The following NPY variants were observed in gnomAD, a reference collection of about 807,000 sequenced individuals.
NPY encodes pro-neuropeptide Y.
In NPY, 11 loss-of-function variants were observed where a neutral mutation model predicts 13.2. The ratio of observed to expected loss-of-function variants is 0.83; its 90% confidence interval spans 0.52 to 1.38. NPY has a LOEUF of 1.38. NPY is among the 40% of genes most tolerant of loss of function. The probability of loss-of-function intolerance (pLI) is 0.00; values close to 1 mark genes in which losing one functional copy is unlikely to be tolerated. For synonymous variants in NPY, 51 were observed against 55.6 expected, an observed-to-expected ratio of 0.92 and a Z score of 0.37; for missense variants, 109 against 125.1, an observed-to-expected ratio of 0.87 and a Z score of 0.61.
chr7:24,288,196 A>G (rs6977705), intron 2 of NPY, among the ~76,000 whole-genome samples: 147,767 of 152,308 alleles, frequency 0.97, 71,704 homozygotes, highest in East Asian at 1. Context: ...AATGAGTTAC[A>G]GTTGCCCTAG....
At position 24,285,215 on chromosome 7, in the gene NPY, G is replaced by A. The variant is rs752498543; in HGVS notation, c.1-26G>A. On this transcript the variant is annotated intron_variant, in intron 1 of 3. Transcript: ENST00000242152. The surrounding 1 kb of genome is among the most constrained non-coding windows in gnomAD (Gnocchi z 4.9). ...GTGGGTGCTCTGAATCCCCAAGCCC[G>A]TCCGTTGAGCCTTCTGTGCCTGCAG... 2.5e-6 allele frequency: 4 copies of A among 1,613,434 alleles called. No homozygotes were observed.
chr7:24,285,010 G>GT lies in NPY; in HGVS notation c.1-229dup. On this transcript the variant is annotated intron_variant, in intron 1 of 3. Coordinates refer to ENST00000242152, the MANE Select transcript of NPY (RefSeq NM_000905.4). The surrounding 1 kb of genome is among the most constrained non-coding windows in gnomAD (Gnocchi z 4.9). ...CTTGGTCCCTGAGACTTCGAACGAA[G>GT]TTGCGCGAAGTTTTCAGGTGGAGCA... 1.7e-6 allele frequency: 1 copy of GT among 582,342 alleles called. No homozygotes were observed. Among genetic ancestry groups the GT allele is most frequent in the Non-Finnish European group, 3.1e-6 (1 of 326,420 alleles). The allele number at this position is 582,342 out of a possible 1,614,324, so 36.1% of individuals were successfully genotyped here.
At position 24,285,150 on chromosome 7, in the gene NPY, G is replaced by A. The variant is rs1787313178; in HGVS notation, c.1-91G>A. Reference sequence around the variant, plus strand: ...GGATTGGGGGTCGCGTGTGGTAGCAGGAGGAGGAGCGCGGGGGGCAGAGGA... The same window carrying A: ...GGATTGGGGGTCGCGTGTGGTAGCAAGAGGAGGAGCGCGGGGGGCAGAGGA... On this transcript the variant is annotated intron_variant, in intron 1 of 3. Coordinates refer to ENST00000242152, the MANE Select transcript of NPY (RefSeq NM_000905.4). This position sits in a 1 kb window ranked among gnomAD's most constrained non-coding sequence, Gnocchi z 4.9. 7.4e-7 allele frequency: 1 copy of A among 1,355,258 alleles called. No homozygotes were observed. Among genetic ancestry groups the A allele is most frequent in the Admixed American group, 1.7e-5 (1 of 58,520 alleles). 84.0% of individuals were successfully genotyped at this position (1,355,258 alleles called of 1,614,324 possible). A position where few individuals can be genotyped will look rare whatever the true frequency, so the allele number is the denominator to read the frequency against.
Position 24,291,814 on chromosome 7 carries a change from G to C in NPY, c.*127G>C, listed in dbSNP as rs1469686880. The stretch of plus-strand genomic sequence containing the variant: ...GCTGAATTCTGCAATGTTTTCCTTT[G>C]TCATCATTGTATATATGTGTGTTTA... On this transcript the variant is annotated 3_prime_UTR_variant, in exon 4 of 4. Transcript: ENST00000242152. 9.9e-7 allele frequency: 1 copy of C among 1,011,612 alleles called. No homozygotes were observed. The highest frequency in any genetic ancestry group is 1.5e-6 in the Non-Finnish European group (1 of 654,018). The allele number at this position is 1,011,612 out of a possible 1,614,324, so 62.7% of individuals were successfully genotyped here. A position where few individuals can be genotyped will look rare whatever the true frequency, so the allele number is the denominator to read the frequency against.
chr7:24,289,668 C>A, intron 3 of NPY, 89 bp downstream of exon 3: 2 of 923,472 alleles, frequency 2.2e-6, no homozygotes, highest in Non-Finnish European at 3.3e-6. Context: ...GTGGGAGGCA[C>A]CACCAGGCTT....
intron 1 of NPY, 95 bp downstream of exon 1, chr7:24,284,370 G>GT (rs1389801672): frequency 1.3e-5 from 2 of 152,288 alleles, no homozygotes; most frequent in Admixed American, 1.3e-4. Flanking sequence ...GAGCCCTGGG[G>GT]CCCTGGGATG....
intron 3 of NPY, among the ~76,000 whole-genome samples, chr7:24,290,217 A>G (rs558801927): frequency 1.2e-3 from 189 of 152,286 alleles, no homozygotes; most frequent in Non-Finnish European, 2.4e-3. Flanking sequence ...GTGCCCACCA[A>G]TGTCTAAGTG....
Position 24,289,630 on chromosome 7 carries a change from G to A in NPY, c.269+51G>A, listed in dbSNP as rs576844830. Reference sequence around the variant, plus strand: ...ATTGTTGCAGAGCTCAAGGTGCCCAGGGGAGGGAAGTCAGAGACAGGTGCC... The same window carrying A: ...ATTGTTGCAGAGCTCAAGGTGCCCAAGGGAGGGAAGTCAGAGACAGGTGCC... On this transcript the variant is annotated intron_variant, in intron 3 of 3. Coordinates refer to ENST00000242152, the MANE Select transcript of NPY (RefSeq NM_000905.4). The A allele has an allele frequency of 3.4e-6, 5 of 1,458,176 alleles. No homozygotes were observed. The African/African-American group carries it at 7.1e-5, about 21-fold the overall frequency. The allele number at this position is 1,458,176 out of a possible 1,614,324, so 90.3% of individuals were successfully genotyped here.
intron 1 of NPY, chr7:24,284,887 G>A (rs1787295196): frequency 5.5e-6 from 2 of 364,238 alleles, no homozygotes; most frequent in South Asian, 2.9e-5. Flanking sequence ...AAGAGTTTGG[G>A]CAAGAAGGGA....
chr7:24,289,593 T>G lies in NPY; in HGVS notation c.269+14T>G. 6.2e-7 allele frequency: 1 copy of G among 1,602,150 alleles called. No homozygotes were observed. Among genetic ancestry groups the G allele is most frequent in the Non-Finnish European group, 8.5e-7 (1 of 1,172,190 alleles). ...TCCCAGAACTCGGTATGACAAGGCTTGTGATGGGGACATTGTTGCAGAGCT... is the reference window on the plus strand; with the variant it reads ...TCCCAGAACTCGGTATGACAAGGCTGGTGATGGGGACATTGTTGCAGAGCT... On this transcript the variant is annotated intron_variant, in intron 3 of 3. Transcript: ENST00000242152.
rs576565558 is a variant in NPY at position 24,291,676 on chromosome 7, G to T, written c.283G>T (p.Ala95Ser). ...TATGTTTTACAGGCTTGAAGACCCTGCAATGTGGTGATGGGAAATGAGACT... is the reference window on the plus strand; with the variant it reads ...TATGTTTTACAGGCTTGAAGACCCTTCAATGTGGTGATGGGAAATGAGACT... ...NVPRTRLEDPAMW is the reference protein window; with the variant it reads ...NVPRTRLEDPSMW The change falls in exon 4 of 4, where the codon GCA becomes TCA. Residue 95 changes from alanine to serine, a missense_variant. Coordinates refer to ENST00000242152, the MANE Select transcript of NPY (RefSeq NM_000905.4). The T allele has an allele frequency of 1.2e-6, 2 of 1,614,060 alleles. No individual in the cohort carries two copies. Among genetic ancestry groups the T allele is most frequent in the Admixed American group, 1.7e-5 (1 of 60,020 alleles).
At chr7:24,289,809 G>A (rs1177313376) in intron 3 of NPY, among the ~76,000 whole-genome samples, 1 of 152,110 alleles carries the variant, frequency 6.6e-6, no homozygotes, top group African/African-American at 2.4e-5. Context: ...GTTATTTGGT[G>A]CTCCTTTGAC....
intron 2 of NPY, among the ~76,000 whole-genome samples, chr7:24,287,381 G>T (rs1319809169): frequency 6.6e-6 from 1 of 152,064 alleles, no homozygotes; most frequent in South Asian, 2.1e-4. Context: ...AAATTACAGG[G>T]TCATTTGTGG....
chr7:24,288,099 ATCC>A (rs918855617), intron 2 of NPY, among the ~76,000 whole-genome samples: 10 of 152,214 alleles, frequency 6.6e-5, no homozygotes, highest in African/African-American at 1.4e-4. Flanking sequence ...GACTGTGCAA[ATCC>A]TCCTATTTCA....
At chr7:24,287,001 C>T (rs1054302468) in intron 2 of NPY, among the ~76,000 whole-genome samples, 2 of 152,190 alleles carry the variant, frequency 1.3e-5, no homozygotes, top group Non-Finnish European at 1.5e-5. Flanking sequence ...CTCATTCAGT[C>T]GTTACCTCAA....
chr7:24,285,070 C>T lies in NPY; in HGVS notation c.1-171C>T. 2.9e-6 allele frequency: 2 copies of T among 681,806 alleles called. No homozygotes were observed. Among genetic ancestry groups the T allele is most frequent in the South Asian group, 3.7e-5 (2 of 54,384 alleles). 42.2% of individuals were successfully genotyped at this position (681,806 alleles called of 1,614,324 possible). A position where few individuals can be genotyped will look rare whatever the true frequency, so the allele number is the denominator to read the frequency against. ...GTCCCGACCGGACGGCGCCCGGAGC[C>T]CGCAAGGTGGTGCTAGCCACTCCTG... On this transcript the variant is annotated intron_variant, in intron 1 of 3. Coordinates refer to ENST00000242152, the MANE Select transcript of NPY (RefSeq NM_000905.4). This position sits in a 1 kb window ranked among gnomAD's most constrained non-coding sequence, Gnocchi z 4.9.
intron 3 of NPY, among the ~76,000 whole-genome samples, chr7:24,290,775 A>AATAATAATAATAATAATTATTATTATT (rs10701264): frequency 7.7e-6 from 1 of 129,638 alleles, no homozygotes; most frequent in Non-Finnish European, 1.6e-5. Context: ...TAATAATAAT[A>AATAATAATAATAATAATTATTATTATT]ATTATTATTA....
chr7:24,285,294 G>A lies in NPY; in HGVS notation c.54G>A (p.Leu18=). 6.2e-7 allele frequency: 1 copy of A among 1,614,076 alleles called. No individual in the cohort carries two copies. Among genetic ancestry groups the A allele is most frequent in the Non-Finnish European group, 8.5e-7 (1 of 1,180,004 alleles). ...GLSGLTLALS[L]LVCLGALAEA... ...CCGGACTGACCCTCGCCCTGTCCCT[G>A]CTCGTGTGCCTGGGTGCGCTGGCCG... Residue 18 remains leucine (L), a synonymous_variant, in exon 2 of 4, where the codon CTG becomes CTA. Coordinates refer to ENST00000242152, the MANE Select transcript of NPY (RefSeq NM_000905.4). The surrounding 1 kb of genome is among the most constrained non-coding windows in gnomAD (Gnocchi z 4.9).
At chr7:24,289,655 C>T in intron 3 of NPY, 76 bp downstream of exon 3, 1 of 1,144,106 alleles carries the variant, frequency 8.7e-7, no homozygotes, top group Non-Finnish European at 1.3e-6. Context: ...AGACAGGTGC[C>T]TGGTGGGAGG....
Sources: gnomAD v4.1 joint callset for allele counts (sites outside exome capture counted in the v4.1 genomes callset) on GRCh38, gnomAD v4.1.1 for gene constraint, Gnocchi (gnomAD v3.1) non-coding constraint, MANE v1.5 for transcripts, NCBI Gene and HGNC (gene_info 2026-07-23, HGNC 2026-07-21) for gene names.